BACH2: variants seen among roughly 807,000 people sequenced by gnomAD.
BACH2 encodes the protein BACH transcriptional regulator 2, also known as transcription regulator protein BACH2.
In BACH2, 5 loss-of-function variants were observed where a neutral mutation model predicts 61.8. That is an observed-to-expected ratio of 0.08 (90% CI 0.04 to 0.17). BACH2 has a LOEUF of 0.17. BACH2 is among the 10% of genes least tolerant of loss of function. The probability of loss-of-function intolerance (pLI) is 1.00; values close to 1 mark genes in which losing one functional copy is unlikely to be tolerated. For missense variants in BACH2, 824 were observed against 1,091.1 expected, an observed-to-expected ratio of 0.76 and a Z score of 3.45; for synonymous variants, 446 against 440.1, an observed-to-expected ratio of 1.01 and a Z score of -0.17.
intron 6 of BACH2, among the ~76,000 whole-genome samples, chr6:89,993,936 T>A (rs1366030137): frequency 3.3e-5 from 5 of 152,104 alleles, no homozygotes; most frequent in Admixed American, 1.3e-4. Flanking sequence ...TAAAATGTCA[T>A]CATTCATCTG....
At chr6:90,128,072 C>T (rs1783931774) in intron 4 of BACH2, among the ~76,000 whole-genome samples, 1 of 152,112 alleles carries the variant, frequency 6.6e-6, no homozygotes, top group African/African-American at 2.4e-5. Flanking sequence ...TCCACAGGTG[C>T]CCAAAGAGCT....
intron 5 of BACH2, among the ~76,000 whole-genome samples, chr6:90,019,864 G>A (rs928215541): frequency 8.5e-5 from 13 of 152,156 alleles, no homozygotes; most frequent in Non-Finnish European, 1.8e-4. Flanking sequence ...GGCAGGTTTA[G>A]AAAAACAAAG....
intron 4 of BACH2, among the ~76,000 whole-genome samples, chr6:90,125,100 G>C (rs1428267819): frequency 6.6e-6 from 1 of 151,890 alleles, no homozygotes; most frequent in Non-Finnish European, 1.5e-5. Flanking sequence ...AGTTATAAAA[G>C]AATCTGTGGA....
intron 5 of BACH2, among the ~76,000 whole-genome samples, chr6:90,057,504 C>A (rs1164548145): frequency 6.6e-6 from 1 of 152,108 alleles, no homozygotes. Context: ...CAAAAAAAGT[C>A]CAGGAACCAG....
intron 3 of BACH2, among the ~76,000 whole-genome samples, chr6:90,212,539 C>A (rs899450258): frequency 6.6e-6 from 1 of 152,200 alleles, no homozygotes; most frequent in African/African-American, 2.4e-5. Flanking sequence ...AGAGACCAGA[C>A]GTTTGCCATT....
In BACH2 at chr6:90,202,644, T is replaced by C. The variant is rs1204270930; in HGVS notation, c.-162+3925A>G. On this transcript the variant is annotated intron_variant, in intron 4 of 8. Transcript: ENST00000257749. The stretch of plus-strand genomic sequence containing the variant: ...GGGGAAGAGAGAGGGTCATTTTGTA[T>C]AATAATGGAAAAATCAATTATTTTT... Among the ~76,000 whole-genome samples the C allele has an allele frequency of 2.6e-5, 4 of 152,192 alleles. No individual in the cohort carries two copies. The South Asian group carries it at 8.3e-4, about 32-fold the overall frequency.
intron 3 of BACH2, among the ~76,000 whole-genome samples, chr6:90,247,307 C>T (rs1250773063): frequency 6.7e-6 from 1 of 150,308 alleles, no homozygotes; most frequent in Non-Finnish European, 1.5e-5. Flanking sequence ...GTCATCATAG[C>T]TCATTGCAAT....
At chr6:89,939,656 CTTTTTTTTTTTT>C (rs71298713) in intron 7 of BACH2, among the ~76,000 whole-genome samples, 905 of 82,634 alleles carry the variant, frequency 0.011, 11 homozygotes, top group African/African-American at 0.04. Flanking sequence ...GCTTATATTT[CTTTTTTTTTTTT>C]TTTTTTTTTT....
At chr6:90,084,538 G>GTTTTTT (rs58667089) in intron 5 of BACH2, among the ~76,000 whole-genome samples, 1 of 138,680 alleles carries the variant, frequency 7.2e-6, no homozygotes, top group African/African-American at 2.6e-5. Context: ...TTTAATTCCA[G>GTTTTTT]TTTTTTTTTT....
intron 3 of BACH2, among the ~76,000 whole-genome samples, chr6:90,236,493 C>G (rs899606809): frequency 2.6e-5 from 4 of 152,186 alleles, no homozygotes; most frequent in Non-Finnish European, 5.9e-5. Flanking sequence ...ATTTAGACAC[C>G]TTGCAAAGGA....
rs1208976827 is a variant in BACH2, at chr6:90,179,826, A to G, written c.-162+26743T>C. Among the ~76,000 whole-genome samples, 58 of 152,236 alleles carry G rather than the reference A, an allele frequency of 3.8e-4. 1 individual carries two copies. Among genetic ancestry groups the G allele is most frequent in the Admixed American group, 3.8e-3 (58 of 15,284 alleles). ...AATCCCACTCCTGGGAACCAATGCC[A>G]TAGAACTAATAGCACTGTATCTAAG... On this transcript the variant is annotated intron_variant, in intron 4 of 8. Transcript: ENST00000257749.
At chr6:89,942,894 G>A (rs1266358718) in intron 7 of BACH2, among the ~76,000 whole-genome samples, 3 of 152,220 alleles carry the variant, frequency 2.0e-5, no homozygotes, top group Non-Finnish European at 2.9e-5. Context: ...CAGCAGGACC[G>A]AGGTGGGTTT....
At chr6:90,174,560 AG>A (rs1767926124) in intron 4 of BACH2, among the ~76,000 whole-genome samples, 1 of 152,068 alleles carries the variant, frequency 6.6e-6, no homozygotes, top group African/African-American at 2.4e-5. Flanking sequence ...TGGGTTGGAA[AG>A]GGAAAAAAAA....
chr6:90,191,969 G>A (rs185911413), intron 4 of BACH2, among the ~76,000 whole-genome samples: 1 of 152,250 alleles, frequency 6.6e-6, no homozygotes, highest in East Asian at 1.9e-4. Context: ...AAATGAAAAG[G>A]CCACTGTTCA....
chr6:89,952,941 C>G (rs1443162041), intron 6 of BACH2: 1 of 152,258 alleles, frequency 6.6e-6, no homozygotes, highest in Non-Finnish European at 1.5e-5. Context: ...TAAAACCACA[C>G]ATCCTCTAGG....
intron 4 of BACH2, among the ~76,000 whole-genome samples, chr6:90,138,372 G>A (rs2501724): frequency 3.9e-5 from 6 of 152,152 alleles, no homozygotes; most frequent in East Asian, 1.9e-4. Context: ...GCGTGGTGGC[G>A]TGTGCCTGTA....
chr6:90,152,578 A>G (rs746232548), intron 4 of BACH2, among the ~76,000 whole-genome samples: 6 of 152,222 alleles, frequency 3.9e-5, no homozygotes, highest in African/African-American at 1.2e-4. Context: ...AATATACTTA[A>G]TAAGTTTTAC....
chr6:90,056,591 G>A (rs1417844886), intron 5 of BACH2, among the ~76,000 whole-genome samples: 5 of 151,952 alleles, frequency 3.3e-5, no homozygotes, highest in African/African-American at 4.8e-5. Context: ...AGGATACCCA[G>A]GAATTGAACT....
chr6:90,199,834 A>G (rs950210325), intron 4 of BACH2, among the ~76,000 whole-genome samples: 1 of 152,236 alleles, frequency 6.6e-6, no homozygotes, highest in Non-Finnish European at 1.5e-5. Flanking sequence ...GTAGAAAGTG[A>G]GAATAGAAGT....
Sources: allele counts gnomAD v4.1 joint callset (sites outside exome capture counted in the v4.1 genomes callset), GRCh38; gene constraint gnomAD v4.1.1; transcripts MANE v1.5; gene names NCBI Gene and HGNC (gene_info 2026-07-23, HGNC 2026-07-21).